The following CDC5L variants were observed in gnomAD, a reference collection of about 807,000 sequenced individuals.
CDC5L encodes the protein cell division cycle 5 like.
In CDC5L, 18 loss-of-function variants were observed where a neutral mutation model predicts 104.1. That is an observed-to-expected ratio of 0.17 (90% CI 0.12 to 0.26). CDC5L has a LOEUF of 0.26. Ranked by LOEUF, CDC5L falls within the 10% of genes least tolerant of loss-of-function variation. The pLI is 1.00. For synonymous variants in CDC5L, 331 were observed against 322.7 expected (o/e 1.03, Z -0.28); for missense variants, 673 against 956.9 (o/e 0.70, Z 3.91).
chr6:44,392,820 A>G lies in CDC5L; in HGVS notation c.303A>G (p.Glu101=). 1 of 1,613,384 alleles carries G rather than the reference A, an allele frequency of 6.2e-7. No individual in the cohort carries two copies. The highest frequency in any genetic ancestry group is 8.5e-7 in the Non-Finnish European group (1 of 1,179,450). The change falls in exon 3 of 16, where the codon GAA becomes GAG. Residue 101 remains glutamate (E), a synonymous_variant. Transcript: ENST00000371477. ...RTAAQCLEHY[E]FLLDKAAQRD... Reference sequence around the variant, plus strand: ...CGGCCCAGTGCTTAGAACACTATGAATTTCTTCTGTAAGTGAGTCTTCAGA... The same window carrying G: ...CGGCCCAGTGCTTAGAACACTATGAGTTTCTTCTGTAAGTGAGTCTTCAGA...
chr6:44,416,543 C>G (rs1581652218), intron 8 of CDC5L, among the ~76,000 whole-genome samples: 1 of 152,228 alleles, frequency 6.6e-6, no homozygotes, highest in Non-Finnish European at 1.5e-5. Context: ...ACCTCTGTCA[C>G]CTCTGCTTCT....
intron 7 of CDC5L, among the ~76,000 whole-genome samples, 177 bp from the exon 8 acceptor site, chr6:44,408,267 G>T (rs1167228010): frequency 5.1e-4 from 70 of 138,344 alleles, no homozygotes; most frequent in African/African-American, 1.6e-3. Context: ...TAAAATGTTG[G>T]TTTTTTTTTT....
chr6:44,394,458 C>T (rs979668614), intron 4 of CDC5L, among the ~76,000 whole-genome samples: 3 of 152,190 alleles, frequency 2.0e-5, no homozygotes, highest in East Asian at 1.9e-4. Context: ...ACCTGTGAGA[C>T]GGTGATGGAG....
chr6:44,433,686 A>G (rs1409272067), intron 14 of CDC5L, among the ~76,000 whole-genome samples: 1 of 152,178 alleles, frequency 6.6e-6, no homozygotes, highest in African/African-American at 2.4e-5. Context: ...TATAACATAG[A>G]CTTCTTAGAA....
chr6:44,415,910 G>A (rs6899831), intron 8 of CDC5L, among the ~76,000 whole-genome samples: 1 of 152,184 alleles, frequency 6.6e-6, no homozygotes, highest in African/African-American at 2.4e-5. Context: ...GAACCTCTAA[G>A]ATGAACTGAC....
At chr6:44,429,957 A>C (rs371312700) in intron 14 of CDC5L, 47 bp downstream of exon 14, 27 of 1,445,792 alleles carry the variant, frequency 1.9e-5, no homozygotes, top group Non-Finnish European at 2.3e-5. Context: ...TTTGATTGAG[A>C]TAATGAACTA....
chr6:44,434,135 G>C (rs1296425384), intron 14 of CDC5L, among the ~76,000 whole-genome samples: 1 of 152,176 alleles, frequency 6.6e-6, no homozygotes, highest in East Asian at 1.9e-4. Context: ...AACTTTATGA[G>C]CTGGAACAGA....
At chr6:44,443,709 C>T (rs1385852049) in intron 14 of CDC5L, among the ~76,000 whole-genome samples, 1 of 151,650 alleles carries the variant, frequency 6.6e-6, no homozygotes, top group Non-Finnish European at 1.5e-5. Flanking sequence ...TTTTCTGTCT[C>T]TTTGTGGAAG....
At chr6:44,414,243 C>G (rs1164671287) in intron 8 of CDC5L, among the ~76,000 whole-genome samples, 1 of 151,938 alleles carries the variant, frequency 6.6e-6, no homozygotes, top group Admixed American at 6.6e-5. Context: ...CTGTGCCTGG[C>G]TAATTTTTTA....
chr6:44,446,717 A>G lies in CDC5L; in HGVS notation c.*6A>G, dbSNP rs76403747. 2.0e-5 allele frequency: 27 copies of G among 1,365,160 alleles called. No homozygotes were observed. The highest frequency in any genetic ancestry group is 2.0e-5 in the Non-Finnish European group (19 of 968,934). The allele number at this position is 1,365,160 out of a possible 1,614,324, so 84.6% of individuals were successfully genotyped here. ...CTTTAAAGTCAAAATTCTGAAGTAC[A>G]GTTTATATTCTGTCACAGGATTAAT... On this transcript the variant is annotated 3_prime_UTR_variant, in exon 16 of 16. Transcript: ENST00000371477.
chr6:44,408,544 G>A lies in CDC5L; in HGVS notation c.1004G>A (p.Ser335Asn). ...EESGITNSAS[S>N]TLLSEYNVTN... ...TCTGGCATAACAAATTCTGCTTCCA[G>A]TACACTTTTGTCTGAGTACAATGTC... The change falls in exon 8 of 16, where the codon AGT (serine) becomes AAT (asparagine). Residue 335 changes from serine to asparagine, a missense_variant. Ser to Asn is a conservative substitution (Grantham distance 46). Around this residue, in one of 4 missense-constraint regions of CDC5L, gnomAD observed 578 missense variants for 737.0 expected, o/e 0.78. Coordinates refer to ENST00000371477, the MANE Select transcript of CDC5L (RefSeq NM_001253.4). 1 of 1,613,994 alleles carries A rather than the reference G, an allele frequency of 6.2e-7. No homozygotes were observed. Among genetic ancestry groups the A allele is most frequent in the South Asian group, 1.1e-5 (1 of 91,066 alleles).
intron 5 of CDC5L, among the ~76,000 whole-genome samples, chr6:44,399,472 C>G (rs970746648): frequency 1.3e-5 from 2 of 152,088 alleles, no homozygotes; most frequent in African/African-American, 4.8e-5. Flanking sequence ...CCCTGTTCTG[C>G]TTATGTTGGT....
At chr6:44,428,036 A>G (rs1792504908) in intron 13 of CDC5L, among the ~76,000 whole-genome samples, 1 of 151,644 alleles carries the variant, frequency 6.6e-6, no homozygotes, top group African/African-American at 2.4e-5. Context: ...TTTGTTCCAA[A>G]AAGAATTTGA....
At chr6:44,425,812 T>C (rs542437740) in intron 11 of CDC5L, among the ~76,000 whole-genome samples, 101 of 152,014 alleles carry the variant, frequency 6.6e-4, no homozygotes, top group Non-Finnish European at 1.0e-3. Context: ...GGAGTCTCTT[T>C]GGAGTTTAGG....
Position 44,408,632 on chromosome 6 carries a change from G to C in CDC5L, c.1092G>C (p.Gln364His). ...RTPASQDRIL[Q>H]EAQNLMALTN... ...CAGCTTCCCAGGACAGAATTCTGCAGGTAACGTGTCACGTAGTAGAATGAG... is the reference window on the plus strand; with the variant it reads ...CAGCTTCCCAGGACAGAATTCTGCACGTAACGTGTCACGTAGTAGAATGAG... Residue 364 changes from glutamine (Q) to histidine (H), a missense_variant and splice_region_variant, in exon 8 of 16, where the codon CAG becomes CAC. This residue lies in a region of CDC5L where 578 missense variants were observed against 737.0 expected (regional missense o/e 0.78). Coordinates refer to ENST00000371477, the MANE Select transcript of CDC5L (RefSeq NM_001253.4). 1 of 1,588,016 alleles carries C rather than the reference G, an allele frequency of 6.3e-7. No individual in the cohort carries two copies. Among genetic ancestry groups the C allele is most frequent in the Non-Finnish European group, 8.6e-7 (1 of 1,161,848 alleles).
chr6:44,413,034 G>A (rs1420960605), intron 8 of CDC5L, among the ~76,000 whole-genome samples: 3 of 151,694 alleles, frequency 2.0e-5, no homozygotes, highest in African/African-American at 7.3e-5. Context: ...CGCCCGCCTC[G>A]GCCTCCCAAA....
Position 44,393,591 on chromosome 6 carries a change from G to A in CDC5L, c.439+18G>A. ...GGATGAGGGTAAGTGTATGCTTTGA[G>A]GAATTTATTTCTTTGGTAACTGTAA... On this transcript the variant is annotated intron_variant, in intron 4 of 15. Transcript: ENST00000371477. The A allele has an allele frequency of 6.2e-7, 1 of 1,603,854 alleles. No homozygotes were observed. The highest frequency in any genetic ancestry group is 1.1e-5 in the South Asian group (1 of 89,728).
chr6:44,447,671 A>G lies in CDC5L; in HGVS notation c.*960A>G, dbSNP rs1793501705. Reference sequence around the variant, plus strand: ...GATTCATTCATTCATTCGATATTGAATGTATACCCTGTGCCAGAGTCTTAG... The same window carrying G: ...GATTCATTCATTCATTCGATATTGAGTGTATACCCTGTGCCAGAGTCTTAG... On this transcript the variant is annotated 3_prime_UTR_variant, in exon 16 of 16. Transcript: ENST00000371477. The G allele has an allele frequency of 6.6e-6, 1 of 152,226 alleles. No homozygotes were observed. Among genetic ancestry groups the G allele is most frequent in the Admixed American group, 6.5e-5 (1 of 15,282 alleles). The allele number at this position is 152,226 out of a possible 1,614,324, so 9.4% of individuals were successfully genotyped here.
chr6:44,390,402 A>T, intron 2 of CDC5L, 31 bp downstream of exon 2: 1 of 1,311,562 alleles, frequency 7.6e-7, no homozygotes, highest in Non-Finnish European at 1.1e-6. Context: ...TGGAAAACAG[A>T]AAAGGAGCTT....
Sources: allele counts gnomAD v4.1 joint callset (sites outside exome capture counted in the v4.1 genomes callset), GRCh38; gene constraint gnomAD v4.1.1; regional missense constraint gnomAD v4.1.1; transcripts MANE v1.5; gene names NCBI Gene and HGNC (gene_info 2026-07-23, HGNC 2026-07-21).